The following ST3GAL3 variants were observed in gnomAD, a reference collection of about 807,000 sequenced individuals.
ST3GAL3 encodes the protein CMP-N-acetylneuraminate-beta-1,4-galactoside alpha-2,3-sialyltransferase.
ST3GAL3 carries 21 observed loss-of-function variants against 50.1 expected under a neutral mutation model. The ratio of observed to expected loss-of-function variants is 0.42; its 90% confidence interval spans 0.30 to 0.60. The LOEUF (loss-of-function observed/expected upper bound fraction) is 0.60. ST3GAL3 is among the 20% of genes least tolerant of loss of function. ST3GAL3 has a pLI of 0.19. For missense variants in ST3GAL3, 353 were observed against 489.4 expected (o/e 0.72, Z 2.63); for synonymous variants, 183 against 190.0 (o/e 0.96, Z 0.30).
At chr1:43,710,845 C>T (rs1664370005) in intron 1 of ST3GAL3, among the ~76,000 whole-genome samples, 1 of 152,108 alleles carries the variant, frequency 6.6e-6, no homozygotes, top group African/African-American at 2.4e-5. Context: ...AAGTTTAAAC[C>T]ACCATAACAT....
chr1:43,796,524 T>C (rs1573011545), intron 3 of ST3GAL3, among the ~76,000 whole-genome samples: 1 of 152,206 alleles, frequency 6.6e-6, no homozygotes, highest in Non-Finnish European at 1.5e-5. Context: ...CAGAGGACTC[T>C]TCTGAACAGG....
At position 43,771,879 on chromosome 1, in the gene ST3GAL3, T is replaced by A. The variant is rs974992920; in HGVS notation, c.119-20223T>A. 8 of 398,518 alleles carry A rather than the reference T, an allele frequency of 2.0e-5. No individual in the cohort carries two copies. In the South Asian group the frequency reaches 1.0e-3, roughly 51 times the overall value. 24.7% of individuals were successfully genotyped at this position (398,518 alleles called of 1,614,324 possible). A position where few individuals can be genotyped will look rare whatever the true frequency, so the allele number is the denominator to read the frequency against. ...AAATGAACACCTCCCTTTGTTTTTT[T>A]ACAGAAGATGGCCTGTTTCAAAGGT... is the stretch of plus-strand genomic sequence containing the variant. On this transcript the variant is annotated intron_variant, in intron 2 of 11. Coordinates refer to ENST00000347631, the MANE Select transcript of ST3GAL3 (RefSeq NM_006279.5).
intron 9 of ST3GAL3, among the ~76,000 whole-genome samples, chr1:43,918,001 C>G (rs1355068557): frequency 1.3e-5 from 2 of 151,066 alleles, no homozygotes; most frequent in African/African-American, 2.4e-5. Context: ...TGCCAAAGCA[C>G]TTAAAAATGT....
intron 5 of ST3GAL3, among the ~76,000 whole-genome samples, chr1:43,857,677 G>T (rs773036101): frequency 2.7e-5 from 4 of 149,590 alleles, no homozygotes; most frequent in Non-Finnish European, 5.9e-5. Flanking sequence ...GTGCAATGGT[G>T]TGATTTTGGC....
intron 2 of ST3GAL3, among the ~76,000 whole-genome samples, chr1:43,748,676 G>A (rs1317035156): frequency 6.6e-6 from 1 of 152,070 alleles, no homozygotes; most frequent in Non-Finnish European, 1.5e-5. Context: ...TCCCACCTTG[G>A]CCTCCCAAAG....
At chr1:43,845,672 A>G (rs1315496354) in intron 5 of ST3GAL3, among the ~76,000 whole-genome samples, 1 of 148,032 alleles carries the variant, frequency 6.8e-6, no homozygotes, top group African/African-American at 2.5e-5. Flanking sequence ...TTATTTTTTC[A>G]CTTTTCTCTT....
rs542838972 is a variant in ST3GAL3, at chr1:43,921,245, C to T, written c.1038+317C>T. On this transcript the variant is annotated intron_variant, in intron 11 of 11. Coordinates refer to ENST00000347631, the MANE Select transcript of ST3GAL3 (RefSeq NM_006279.5). Reference sequence around the variant, plus strand: ...GCAGTTCCTGCCTTCCCCCAGAGGACGCTATTTTCCCTCAAAAAACCCACA... The same window carrying T: ...GCAGTTCCTGCCTTCCCCCAGAGGATGCTATTTTCCCTCAAAAAACCCACA... 3.9e-5 allele frequency among the ~76,000 whole-genome samples: 6 copies of T among 152,288 alleles called. No homozygotes were observed. The South Asian group carries it at 6.2e-4, about 16-fold the overall frequency.
At chr1:43,770,662 C>A (rs1253383797) in intron 2 of ST3GAL3, among the ~76,000 whole-genome samples, 3 of 152,036 alleles carry the variant, frequency 2.0e-5, no homozygotes, top group Non-Finnish European at 4.4e-5. Flanking sequence ...CCCCAAGTAG[C>A]TGAGAGTACT....
At chr1:43,750,494 A>T (rs1375637943) in intron 2 of ST3GAL3, among the ~76,000 whole-genome samples, 1 of 152,224 alleles carries the variant, frequency 6.6e-6, no homozygotes, top group Non-Finnish European at 1.5e-5. Context: ...ATATTTAATT[A>T]TAAAGAACTA....
At chr1:43,873,791 A>T (rs2073518311) in intron 5 of ST3GAL3, among the ~76,000 whole-genome samples, 1 of 151,986 alleles carries the variant, frequency 6.6e-6, no homozygotes, top group Non-Finnish European at 1.5e-5. Context: ...ATTCTGTCTC[A>T]AAATAAATAA....
At chr1:43,846,306 A>G (rs550341792) in intron 5 of ST3GAL3, among the ~76,000 whole-genome samples, 2 of 152,296 alleles carry the variant, frequency 1.3e-5, no homozygotes, top group East Asian at 3.9e-4. Context: ...GGATTGTTGT[A>G]TCCCATTTCT....
At chr1:43,739,115 A>C (rs1358687131) in intron 2 of ST3GAL3, 1 of 152,180 alleles carries the variant, frequency 6.6e-6, no homozygotes, top group Non-Finnish European at 1.5e-5. Context: ...CCAAGTTAGA[A>C]AAATAAATGT....
intron 5 of ST3GAL3, among the ~76,000 whole-genome samples, chr1:43,877,069 G>A (rs954636196): frequency 2.6e-5 from 4 of 152,196 alleles, no homozygotes; most frequent in Admixed American, 2.6e-4. Context: ...GTCTGTGACA[G>A]GTTTCTATCA....
intron 9 of ST3GAL3, among the ~76,000 whole-genome samples, chr1:43,914,902 C>T (rs566237139): frequency 1.3e-5 from 2 of 152,342 alleles, no homozygotes; most frequent in African/African-American, 4.8e-5. Flanking sequence ...TTCCCCTCAG[C>T]TATGCCTAAG....
intron 2 of ST3GAL3, among the ~76,000 whole-genome samples, chr1:43,788,488 T>A (rs1036825753): frequency 6.6e-6 from 1 of 152,170 alleles, no homozygotes; most frequent in Non-Finnish European, 1.5e-5. Context: ...ACTCTTTGTG[T>A]GAGCACTCAT....
intron 2 of ST3GAL3, among the ~76,000 whole-genome samples, chr1:43,750,733 TAA>T (rs78962106): frequency 1.0e-4 from 14 of 138,128 alleles, no homozygotes; most frequent in East Asian, 2.1e-4. Flanking sequence ...CTACAACAAG[TAA>T]AAAAAAAAAA....
chr1:43,921,076 C>A, intron 11 of ST3GAL3, 148 bp downstream of exon 11: 2 of 927,284 alleles, frequency 2.2e-6, no homozygotes, highest in Non-Finnish European at 3.3e-6. Context: ...GCCCTCTCCA[C>A]AGCCTCCCAC....
intron 9 of ST3GAL3, among the ~76,000 whole-genome samples, chr1:43,910,406 TTCC>T (rs1407899568): frequency 6.6e-6 from 1 of 152,240 alleles, no homozygotes; most frequent in East Asian, 1.9e-4. Context: ...GAGTTTCATT[TTCC>T]TCATCTATAA....
At chr1:43,804,171 G>A (rs985955083) in intron 3 of ST3GAL3, among the ~76,000 whole-genome samples, 1 of 152,164 alleles carries the variant, frequency 6.6e-6, no homozygotes, top group Non-Finnish European at 1.5e-5. Context: ...TCCCTGAAGT[G>A]TTGGTACACT....
Sources: gnomAD v4.1 joint callset for allele counts (sites outside exome capture counted in the v4.1 genomes callset) on GRCh38, gnomAD v4.1.1 for gene constraint, MANE v1.5 for transcripts, NCBI Gene and HGNC (gene_info 2026-07-23, HGNC 2026-07-21) for gene names.